ARHGAP42: variants seen among roughly 807,000 people sequenced by gnomAD.
The protein encoded by ARHGAP42 is rho GTPase-activating protein 42.
Under a neutral mutation model 125.0 loss-of-function variants are expected in ARHGAP42, and 63 were observed. That is an observed-to-expected ratio of 0.50 (90% CI 0.41 to 0.62). The LOEUF is 0.62. ARHGAP42 is among the 20% of genes least tolerant of loss of function. The pLI is 0.00. For synonymous variants in ARHGAP42, 339 were observed against 351.0 expected, an observed-to-expected ratio of 0.97 and a Z score of 0.38; for missense variants, 766 against 1,024.2, an observed-to-expected ratio of 0.75 and a Z score of 3.44.
At chr11:100,945,917 G>C (rs924739203) in intron 10 of ARHGAP42, among the ~76,000 whole-genome samples, 3 of 152,064 alleles carry the variant, frequency 2.0e-5, no homozygotes, top group African/African-American at 7.2e-5. Context: ...TTTGAGGCCA[G>C]ATAGTGACTT....
intron 1 of ARHGAP42, among the ~76,000 whole-genome samples, chr11:100,742,784 C>G (rs1862215786): frequency 6.6e-6 from 1 of 152,086 alleles, no homozygotes; most frequent in South Asian, 2.1e-4. Context: ...ATTGTAATAT[C>G]TCTGTGTTGT....
At chr11:100,761,661 C>T (rs944564935) in intron 1 of ARHGAP42, among the ~76,000 whole-genome samples, 1 of 152,138 alleles carries the variant, frequency 6.6e-6, no homozygotes, top group Admixed American at 6.5e-5. Flanking sequence ...ACTGTTTGGT[C>T]TTCATTAGAG....
intron 3 of ARHGAP42, among the ~76,000 whole-genome samples, chr11:100,827,378 G>C (rs1214583637): frequency 6.6e-6 from 1 of 152,188 alleles, no homozygotes; most frequent in Non-Finnish European, 1.5e-5. Flanking sequence ...TTTTCCCCTA[G>C]TTGTGGGGTC....
intron 4 of ARHGAP42, among the ~76,000 whole-genome samples, chr11:100,908,337 T>TG (rs1162782674): frequency 1.3e-5 from 2 of 152,212 alleles, no homozygotes; most frequent in Non-Finnish European, 2.9e-5. Context: ...GGGGTTTTAG[T>TG]GTACCCATCA....
chr11:100,803,988 T>C (rs1207895139), intron 3 of ARHGAP42, among the ~76,000 whole-genome samples: 1 of 152,194 alleles, frequency 6.6e-6, no homozygotes, highest in African/African-American at 2.4e-5. Flanking sequence ...CTTTAGGTTT[T>C]CCAGAACTGT....
chr11:100,777,440 G>A (rs2135001862), intron 2 of ARHGAP42, among the ~76,000 whole-genome samples: 1 of 152,262 alleles, frequency 6.6e-6, no homozygotes, highest in East Asian at 1.9e-4. Flanking sequence ...ATCTCATTCA[G>A]TTTCTTTGTT....
At chr11:100,894,029 A>G (rs1166016105) in intron 4 of ARHGAP42, among the ~76,000 whole-genome samples, 1 of 152,190 alleles carries the variant, frequency 6.6e-6, no homozygotes, top group East Asian at 1.9e-4. Context: ...TTTCTTTGCA[A>G]TCCTTTGCAA....
At chr11:100,763,303 T>A (rs1862753517) in intron 1 of ARHGAP42, among the ~76,000 whole-genome samples, 1 of 151,652 alleles carries the variant, frequency 6.6e-6, no homozygotes, top group South Asian at 2.1e-4. Context: ...TTCTTAATGT[T>A]AAGAATGTTT....
intron 1 of ARHGAP42, among the ~76,000 whole-genome samples, chr11:100,734,589 C>T (rs1326181176): frequency 6.6e-6 from 1 of 152,188 alleles, no homozygotes; most frequent in Non-Finnish European, 1.5e-5. Context: ...CCAGAGTCCA[C>T]TTGTTATGCT....
At chr11:100,959,765 G>T (rs943210173) in intron 12 of ARHGAP42, 118 bp from the exon 13 acceptor site, 3 of 896,258 alleles carry the variant, frequency 3.3e-6, no homozygotes, top group Non-Finnish European at 3.5e-6. Flanking sequence ...AAAATATTTG[G>T]AAGACTCAGA....
At chr11:100,959,714 T>A (rs1857905218) in intron 12 of ARHGAP42, 169 bp from the exon 13 acceptor site, 1 of 610,578 alleles carries the variant, frequency 1.6e-6, no homozygotes, top group African/African-American at 1.9e-5. Flanking sequence ...TGAAGTTCCC[T>A]CCTCTACTTC....
At chr11:100,977,120 A>G (rs1022400418) in intron 21 of ARHGAP42, 149 bp downstream of exon 21, 27 of 903,988 alleles carry the variant, frequency 3.0e-5, no homozygotes, top group South Asian at 2.0e-4. Flanking sequence ...GTAAGACTCT[A>G]TTCTTTTCTA....
chr11:100,812,876 G>A (rs1267146725), intron 3 of ARHGAP42, among the ~76,000 whole-genome samples: 1 of 152,152 alleles, frequency 6.6e-6, no homozygotes, highest in Non-Finnish European at 1.5e-5. Flanking sequence ...TCTGTAGAAG[G>A]GTCTTTCAGC....
At chr11:100,977,082 A>G (rs1003044485) in intron 21 of ARHGAP42, 111 bp downstream of exon 21, 2 of 1,265,596 alleles carry the variant, frequency 1.6e-6, no homozygotes, top group African/African-American at 1.5e-5. Context: ...GGAATACTTT[A>G]TCTGTAGAGT....
intron 6 of ARHGAP42, 98 bp downstream of exon 6, chr11:100,921,702 A>G (rs1184035789): frequency 2.6e-6 from 2 of 764,152 alleles, no homozygotes; most frequent in African/African-American, 3.6e-5. Flanking sequence ...CTTGAAAATT[A>G]TGATTGATAA....
chr11:100,825,386 A>C (rs10895018), intron 3 of ARHGAP42, among the ~76,000 whole-genome samples: 13,342 of 152,282 alleles, frequency 0.088, 894 homozygotes, highest in African/African-American at 0.19. Flanking sequence ...ACAATTGAAA[A>C]TGCTGCATTT....
intron 3 of ARHGAP42, among the ~76,000 whole-genome samples, chr11:100,838,670 G>A (rs920818058): frequency 6.6e-6 from 1 of 151,792 alleles, no homozygotes. Context: ...TTTGGCCTGG[G>A]TAACAGAGCA....
At chr11:100,725,638 A>G (rs1453029095) in intron 1 of ARHGAP42, among the ~76,000 whole-genome samples, 3 of 62,728 alleles carry the variant, frequency 4.8e-5, no homozygotes, top group Non-Finnish European at 8.8e-5. Flanking sequence ...AAAAATAATA[A>G]TAAAAAAAAG....
At chr11:100,859,041 T>G (rs1022792444) in intron 3 of ARHGAP42, among the ~76,000 whole-genome samples, 1 of 152,084 alleles carries the variant, frequency 6.6e-6, no homozygotes, top group African/African-American at 2.4e-5. Flanking sequence ...TTTAGTCAGG[T>G]TGGAAACATT....
Sources: allele counts gnomAD v4.1 joint callset (sites outside exome capture counted in the v4.1 genomes callset), GRCh38; gene constraint gnomAD v4.1.1; transcripts MANE v1.5; gene names NCBI Gene and HGNC (gene_info 2026-07-23, HGNC 2026-07-21).